SMAD1: variants seen among roughly 807,000 people sequenced by gnomAD.
The protein encoded by SMAD1 is MAD, mothers against decapentaplegic homolog 1.
A neutral mutation model predicts 41.6 loss-of-function variants in SMAD1; 6 were observed. That is an observed-to-expected ratio of 0.14 (90% CI 0.08 to 0.28). The LOEUF (loss-of-function observed/expected upper bound fraction) is 0.28, where lower values mean the gene tolerates loss of function less well. SMAD1 is among the 10% of genes least tolerant of loss of function. The pLI is 1.00. For missense variants in SMAD1, 379 were observed against 582.6 expected, an observed-to-expected ratio of 0.65 and a Z score of 3.60; for synonymous variants, 206 against 203.2, an observed-to-expected ratio of 1.01 and a Z score of -0.12.
chr4:145,554,266 C>T (rs1732719051), intron 6 of SMAD1, among the ~76,000 whole-genome samples: 1 of 152,120 alleles, frequency 6.6e-6, no homozygotes, highest in South Asian at 2.1e-4. Context: ...GTAGGTTTTA[C>T]TAGCCTTTTC....
chr4:145,554,064 T>C, intron 6 of SMAD1, 24 bp downstream of exon 6: 1 of 1,598,310 alleles, frequency 6.3e-7, no homozygotes, highest in Non-Finnish European at 8.5e-7. Context: ...GACTCCTCCA[T>C]TTAGGGCCTA....
At chr4:145,519,088 CTTT>C (rs771498383) in intron 2 of SMAD1, among the ~76,000 whole-genome samples, 6 of 34,902 alleles carry the variant, frequency 1.7e-4, no homozygotes, top group African/African-American at 4.5e-4. Flanking sequence ...GTTTGGTTGG[CTTT>C]TTTTTTTTTT....
At chr4:145,550,430 T>C (rs758415454) in intron 5 of SMAD1, among the ~76,000 whole-genome samples, 55 of 152,214 alleles carry the variant, frequency 3.6e-4, no homozygotes, top group Admixed American at 9.2e-4. Flanking sequence ...AAGTTATCAC[T>C]TGAATTTGAG....
chr4:145,505,674 C>T (rs1415913344), intron 1 of SMAD1, among the ~76,000 whole-genome samples: 1 of 151,634 alleles, frequency 6.6e-6, no homozygotes, highest in Non-Finnish European at 1.5e-5. Context: ...TATAATCACT[C>T]TGAAGCCCAC....
At chr4:145,517,333 T>C (rs1222660896) in intron 2 of SMAD1, among the ~76,000 whole-genome samples, 1 of 152,226 alleles carries the variant, frequency 6.6e-6, no homozygotes, top group Admixed American at 6.5e-5. Context: ...TAGCACATGG[T>C]CATTACTTAA....
At chr4:145,552,870 C>A (rs567038216) in intron 5 of SMAD1, among the ~76,000 whole-genome samples, 1 of 151,646 alleles carries the variant, frequency 6.6e-6, no homozygotes. Flanking sequence ...ACATTAATCA[C>A]TTACCAAAAT....
intron 4 of SMAD1, chr4:145,544,656 A>C (rs1326761281): frequency 6.6e-6 from 1 of 151,596 alleles, no homozygotes; most frequent in Admixed American, 6.6e-5. Context: ...CATAAATTGG[A>C]ATGTACACCA....
chr4:145,502,163 C>A (rs1729482188), intron 1 of SMAD1, among the ~76,000 whole-genome samples: 1 of 152,138 alleles, frequency 6.6e-6, no homozygotes, highest in South Asian at 2.1e-4. Flanking sequence ...TTCAATCTTT[C>A]CTGTGTTTGA....
In SMAD1 at chr4:145,483,259, A is replaced by G. The variant is rs1468800006; in HGVS notation, c.-177+1221A>G. Reference sequence around the variant, plus strand: ...GTATCTGAAGTTTCAAAGTACGTGGAATGATACAGAAGTTGCATGATTTCT... The same window carrying G: ...GTATCTGAAGTTTCAAAGTACGTGGGATGATACAGAAGTTGCATGATTTCT... On this transcript the variant is annotated intron_variant, in intron 1 of 6. Transcript: ENST00000302085. The G allele has an allele frequency of 2.6e-5, 4 of 152,214 alleles. No individual in the cohort carries two copies. In the East Asian group the frequency reaches 7.7e-4, roughly 29 times the overall value. The allele number at this position is 152,214 out of a possible 1,614,324, so 9.4% of individuals were successfully genotyped here.
intron 1 of SMAD1, among the ~76,000 whole-genome samples, chr4:145,502,041 A>T (rs556546759): frequency 1.0e-3 from 155 of 152,314 alleles, no homozygotes; most frequent in Non-Finnish European, 1.5e-3. Flanking sequence ...TTGTAGTCTA[A>T]AATTGCTATT....
chr4:145,523,767 C>T (rs1450099183), intron 2 of SMAD1, among the ~76,000 whole-genome samples: 13 of 152,092 alleles, frequency 8.5e-5, no homozygotes, highest in African/African-American at 2.4e-4. Flanking sequence ...GCCACTGAGG[C>T]GGTTGCAGAG....
chr4:145,551,388 A>G (rs2126548006), intron 5 of SMAD1, among the ~76,000 whole-genome samples: 1 of 152,306 alleles, frequency 6.6e-6, no homozygotes, highest in East Asian at 1.9e-4. Flanking sequence ...CTAGAAGAAA[A>G]TATGCTTGAT....
At chr4:145,537,556 C>G (rs920326104) in intron 2 of SMAD1, among the ~76,000 whole-genome samples, 4 of 151,948 alleles carry the variant, frequency 2.6e-5, no homozygotes, top group African/African-American at 9.7e-5. Context: ...GGAAATAACC[C>G]AAGCATTGAG....
At chr4:145,556,859 G>A (rs1475468725) in intron 6 of SMAD1, among the ~76,000 whole-genome samples, 1 of 152,082 alleles carries the variant, frequency 6.6e-6, no homozygotes, top group African/African-American at 2.4e-5. Flanking sequence ...CCTCGTTTTA[G>A]TAGAGACGGG....
At chr4:145,551,021 G>A (rs1330575532) in intron 5 of SMAD1, among the ~76,000 whole-genome samples, 1 of 151,962 alleles carries the variant, frequency 6.6e-6, no homozygotes, top group African/African-American at 2.4e-5. Context: ...TTGAAAATTG[G>A]AAAATGTATT....
chr4:145,483,458 A>G (rs964162038), intron 1 of SMAD1, among the ~76,000 whole-genome samples: 3 of 152,122 alleles, frequency 2.0e-5, no homozygotes, highest in African/African-American at 7.2e-5. Flanking sequence ...AATTACTTTA[A>G]ATTGTATTGA....
intron 2 of SMAD1, among the ~76,000 whole-genome samples, chr4:145,535,070 AAGAT>A (rs1422077798): frequency 6.6e-6 from 1 of 152,132 alleles, no homozygotes; most frequent in Non-Finnish European, 1.5e-5. Flanking sequence ...TTCAAAGAAA[AAGAT>A]AGAAAAGCGC....
Position 145,557,992 on chromosome 4 carries a change from G to A in SMAD1, c.*58G>A. 9 of 1,349,348 alleles carry A rather than the reference G, an allele frequency of 6.7e-6. No individual in the cohort carries two copies. The highest frequency in any genetic ancestry group is 9.1e-6 in the Non-Finnish European group (9 of 987,394). The allele number at this position is 1,349,348 out of a possible 1,614,324, so 83.6% of individuals were successfully genotyped here. ...TGAGCCTTGCATGTACTTGAAGGAT[G>A]GATGAGTCAGACACGATTGAGAACT... On this transcript the variant is annotated 3_prime_UTR_variant, in exon 7 of 7. Transcript: ENST00000302085.
chr4:145,510,477 T>C (rs60139040), intron 1 of SMAD1, among the ~76,000 whole-genome samples: 3,468 of 152,300 alleles, frequency 0.023, 110 homozygotes, highest in South Asian at 0.098. Flanking sequence ...AAATATTTTC[T>C]ATTTCCTCTA....
Sources: gnomAD v4.1 joint callset for allele counts (sites outside exome capture counted in the v4.1 genomes callset) on GRCh38, gnomAD v4.1.1 for gene constraint, MANE v1.5 for transcripts, NCBI Gene and HGNC (gene_info 2026-07-23, HGNC 2026-07-21) for gene names.